The following OSBP variants were observed in gnomAD, a reference collection of about 807,000 sequenced individuals.
The protein encoded by OSBP is oxysterol binding protein.
In OSBP, 32 loss-of-function variants were observed where a neutral mutation model predicts 96.6. The ratio of observed to expected loss-of-function variants is 0.33; its 90% CI spans 0.25 to 0.45. OSBP has a LOEUF of 0.45. Among genes scored for constraint, OSBP ranks in the 20% least tolerant of loss-of-function variants. The pLI is 1.00. For missense variants in OSBP, 653 were observed against 1,029.7 expected, an observed-to-expected ratio of 0.63 and a Z score of 5.01; for synonymous variants, 369 against 389.6, an observed-to-expected ratio of 0.95 and a Z score of 0.62.
rs1860912629 is a variant in OSBP at position 59,615,432 on chromosome 11, C to T, written c.233G>A (p.Gly78Asp). 4 of 1,492,108 alleles carry T rather than the reference C, an allele frequency of 2.7e-6. No individual in the cohort carries two copies. Among genetic ancestry groups the T allele is most frequent in the Non-Finnish European group, 1.8e-6 (2 of 1,113,848 alleles). The allele number at this position is 1,492,108 out of a possible 1,614,324, so 92.4% of individuals were successfully genotyped here. ...ACCCCCAGCGCCCGAGCCGCCCGAG[C>T]CCCCAGTCGGCGGCGCAGGGGCCGG... ...AGPAPAPPTG[G>D]SGGSGAGGSG... Residue 78 changes from glycine to aspartate, a missense_variant, in exon 1 of 14, where the codon GGC becomes GAC. Gly to Asp is a moderately conservative substitution (Grantham distance 94). Transcript: ENST00000263847.
chr11:59,577,148 T>A, intron 12 of OSBP, 123 bp from the exon 13 acceptor site: 1 of 767,980 alleles, frequency 1.3e-6, no homozygotes, highest in South Asian at 1.8e-5. Flanking sequence ...ACAGGATCTG[T>A]GAAAAGGATC....
intron 9 of OSBP, among the ~76,000 whole-genome samples, chr11:59,583,634 GTTTTTTTTTTTT>G (rs764596509): frequency 6.2e-5 from 4 of 64,320 alleles, no homozygotes; most frequent in East Asian, 4.4e-4. Flanking sequence ...CTAAATCTCT[GTTTTTTTTTTTT>G]TTTTTTTTTT....
intron 1 of OSBP, among the ~76,000 whole-genome samples, chr11:59,612,132 G>T (rs1393564847): frequency 6.6e-6 from 1 of 152,178 alleles, no homozygotes; most frequent in Non-Finnish European, 1.5e-5. Context: ...CACCCCATAA[G>T]ATTTGGTATG....
At chr11:59,587,397 G>T (rs1860512876) in intron 9 of OSBP, among the ~76,000 whole-genome samples, 1 of 151,934 alleles carries the variant, frequency 6.6e-6, no homozygotes, top group African/African-American at 2.4e-5. Context: ...AGCTATTCTG[G>T]AGGCTTAGGC....
rs975266096 is a variant in OSBP, at chr11:59,574,428, T to G, written c.*2149A>C. On this transcript the variant is annotated 3_prime_UTR_variant, in exon 14 of 14. Transcript: ENST00000263847. ...TTTAAAAAATTATTTAATTTAGTAG[T>G]TTTTTTTTTTTGGAAAAAAATCAAT... 1.5e-4 allele frequency: 18 copies of G among 123,762 alleles called. No homozygotes were observed. Among genetic ancestry groups the G allele is most frequent in the African/African-American group, 4.8e-4 (12 of 24,918 alleles). 7.7% of individuals were successfully genotyped at this position (123,762 alleles called of 1,614,324 possible). A position where few individuals can be genotyped will look rare whatever the true frequency, so the allele number is the denominator to read the frequency against.
At chr11:59,596,100 T>A (rs904584721) in intron 7 of OSBP, among the ~76,000 whole-genome samples, 4 of 151,870 alleles carry the variant, frequency 2.6e-5, no homozygotes, top group African/African-American at 9.7e-5. Context: ...ACAACACTCA[T>A]CCTTTGAGAA....
intron 9 of OSBP, among the ~76,000 whole-genome samples, chr11:59,583,295 G>A (rs1460004808): frequency 6.6e-6 from 1 of 152,142 alleles, no homozygotes; most frequent in Non-Finnish European, 1.5e-5. Context: ...CTGGACGACA[G>A]AGCAAGTCGC....
chr11:59,591,397 T>C (rs370949589), intron 9 of OSBP, among the ~76,000 whole-genome samples: 15 of 152,182 alleles, frequency 9.9e-5, no homozygotes, highest in African/African-American at 3.4e-4. Flanking sequence ...GAGAGATTGG[T>C]TCCAGAACAC....
In OSBP at chr11:59,574,660, A is replaced by G. The variant is rs2134647217; in HGVS notation, c.*1917T>C. The G allele has an allele frequency of 6.5e-6, 1 of 152,684 alleles. No individual in the cohort carries two copies. Among genetic ancestry groups the G allele is most frequent in the South Asian group, 2.1e-4 (1 of 4,824 alleles). 9.5% of individuals were successfully genotyped at this position (152,684 alleles called of 1,614,324 possible). ...CTCACTCTATCCAAAGCCCCGGATGAGGTCACTGCTTTTATGAGCCTCCTT... is the reference window on the plus strand; with the variant it reads ...CTCACTCTATCCAAAGCCCCGGATGGGGTCACTGCTTTTATGAGCCTCCTT... On this transcript the variant is annotated 3_prime_UTR_variant, in exon 14 of 14. Coordinates refer to ENST00000263847, the MANE Select transcript of OSBP (RefSeq NM_002556.3).
chr11:59,582,747 G>A (rs1860436093), intron 9 of OSBP, among the ~76,000 whole-genome samples: 1 of 152,244 alleles, frequency 6.6e-6, no homozygotes, highest in South Asian at 2.1e-4. Context: ...GGAGTCTGCG[G>A]GAACTCTGGG....
rs761712190 is a variant in OSBP, at chr11:59,608,485, T to C, written c.821A>G (p.Asn274Ser). Reference sequence around the variant, plus strand: ...AACACAGACACCATCTGCACTCACGTTGATCATGGCATTGGATGTTATCCT... The same window carrying C: ...AACACAGACACCATCTGCACTCACGCTGATCATGGCATTGGATGTTATCCT... ...LFRITSNAMI[N>S]ACRDFLMLAQ... The change falls in exon 3 of 14, where the codon AAC becomes AGC. Residue 274 changes from asparagine (N) to serine (S), a missense_variant and splice_region_variant. Physicochemically the swap from Asn to Ser is conservative, Grantham distance 46. Coordinates refer to ENST00000263847, the MANE Select transcript of OSBP (RefSeq NM_002556.3). The C allele has an allele frequency of 8.1e-6, 13 of 1,614,206 alleles. No homozygotes were observed. Among genetic ancestry groups the C allele is most frequent in the Non-Finnish European group, 1.0e-5 (12 of 1,180,016 alleles).
intron 9 of OSBP, among the ~76,000 whole-genome samples, chr11:59,584,709 G>T (rs1250765723): frequency 6.6e-6 from 1 of 152,108 alleles, no homozygotes; most frequent in African/African-American, 2.4e-5. Flanking sequence ...AACACTTAAA[G>T]ACTTTCTTCT....
intron 7 of OSBP, among the ~76,000 whole-genome samples, chr11:59,595,510 A>G (rs1437895434): frequency 1.3e-5 from 2 of 152,206 alleles, no homozygotes; most frequent in Admixed American, 6.5e-5. Flanking sequence ...CGCCCGCTCA[A>G]TCATGAAATT....
chr11:59,615,518 C>A lies in OSBP; in HGVS notation c.147G>T (p.Thr49=). Residue 49 remains threonine, a synonymous_variant, in exon 1 of 14, where the codon ACG becomes ACT. Coordinates refer to ENST00000263847, the MANE Select transcript of OSBP (RefSeq NM_002556.3). ...GGCCTCCCGCCGCCGCCGCGACCAC[C>A]GTCCCTGACGCGGCCCCGGAGCCTG... The part of the protein sequence containing the change: ...AGPGSGAASG[T]VVAAAAGGPG... 1 of 1,252,750 alleles carries A rather than the reference C, an allele frequency of 8.0e-7. No individual in the cohort carries two copies. The highest frequency in any genetic ancestry group is 1.0e-6 in the Non-Finnish European group (1 of 998,316). 77.6% of individuals were successfully genotyped at this position (1,252,750 alleles called of 1,614,324 possible). A position where few individuals can be genotyped will look rare whatever the true frequency, so the allele number is the denominator to read the frequency against.
chr11:59,611,000 G>A (rs916070110), intron 1 of OSBP, among the ~76,000 whole-genome samples: 16 of 151,748 alleles, frequency 1.1e-4, no homozygotes, highest in African/African-American at 3.4e-4. Flanking sequence ...CCAGGCGTGC[G>A]GGTGTGTGCC....
At chr11:59,594,589 G>T (rs539849903) in intron 7 of OSBP, among the ~76,000 whole-genome samples, 18 of 152,294 alleles carry the variant, frequency 1.2e-4, no homozygotes, top group Admixed American at 3.9e-4. Flanking sequence ...TTTTAAAAAA[G>T]AAATGCAATG....
At chr11:59,598,032 G>T (rs531578671) in intron 7 of OSBP, among the ~76,000 whole-genome samples, 2 of 152,178 alleles carry the variant, frequency 1.3e-5, no homozygotes, top group East Asian at 1.9e-4. Context: ...TAGAGACAGG[G>T]TCTCCCCACG....
intron 9 of OSBP, among the ~76,000 whole-genome samples, chr11:59,593,044 T>C (rs769379518): frequency 5.3e-4 from 80 of 152,148 alleles, no homozygotes; most frequent in Non-Finnish European, 8.5e-4. Context: ...ACAATCTGCC[T>C]GCCCTGGCCT....
At chr11:59,604,672 G>A (rs1307438609) in intron 3 of OSBP, among the ~76,000 whole-genome samples, 1 of 151,844 alleles carries the variant, frequency 6.6e-6, no homozygotes, top group Non-Finnish European at 1.5e-5. Context: ...CTGCACTCCA[G>A]CCTGGGTGAC....
Sources: gnomAD v4.1 joint callset for allele counts (sites outside exome capture counted in the v4.1 genomes callset) on GRCh38, gnomAD v4.1.1 for gene constraint, MANE v1.5 for transcripts, NCBI Gene and HGNC (gene_info 2026-07-23, HGNC 2026-07-21) for gene names.